SLCO3A1: variants seen among roughly 807,000 people sequenced by gnomAD.
SLCO3A1 encodes the protein solute carrier organic anion transporter family member 3A1, also known as PGE1 transporter.
SLCO3A1 carries 27 observed loss-of-function variants against 63.1 expected under a neutral mutation model. That is an observed-to-expected ratio of 0.43 (90% CI 0.32 to 0.59). The LOEUF (loss-of-function observed/expected upper bound fraction) is 0.59. SLCO3A1 is among the 20% of genes least tolerant of loss of function. SLCO3A1 has a pLI of 0.09. For synonymous variants in SLCO3A1, 473 were observed against 409.9 expected, an observed-to-expected ratio of 1.15 and a Z score of -1.86; for missense variants, 773 against 945.8, an observed-to-expected ratio of 0.82 and a Z score of 2.40.
chr15:91,953,359 G>A (rs1477195665), intron 2 of SLCO3A1, among the ~76,000 whole-genome samples: 1 of 152,200 alleles, frequency 6.6e-6, no homozygotes, highest in African/African-American at 2.4e-5. Context: ...AGGAGCTTGT[G>A]TTCTCCCAGG....
chr15:91,868,794 G>A (rs185492788), intron 1 of SLCO3A1, among the ~76,000 whole-genome samples: 5 of 152,232 alleles, frequency 3.3e-5, no homozygotes, highest in Admixed American at 1.3e-4. Context: ...TGCTACTGTC[G>A]TGATTTTTAA....
At chr15:92,006,688 C>A (rs1470122281) in intron 2 of SLCO3A1, among the ~76,000 whole-genome samples, 2 of 152,232 alleles carry the variant, frequency 1.3e-5, no homozygotes, top group African/African-American at 4.8e-5. Flanking sequence ...TTGTTAAAGA[C>A]TCAACTCTTT....
chr15:92,046,620 G>C (rs1232422947), intron 2 of SLCO3A1, among the ~76,000 whole-genome samples: 1 of 152,034 alleles, frequency 6.6e-6, no homozygotes. Flanking sequence ...TGCAGTACAG[G>C]CTGCCTTGTC....
chr15:92,156,054 T>G (rs1222917187), intron 9 of SLCO3A1, among the ~76,000 whole-genome samples: 1 of 152,190 alleles, frequency 6.6e-6, no homozygotes, highest in African/African-American at 2.4e-5. Context: ...ATTTGTGAAC[T>G]ACTCTGGAAA....
rs1348611340 is a variant in SLCO3A1 at position 92,162,913 on chromosome 15, CT to C, written c.1913del (p.Phe638SerfsTer11). On this transcript the variant is annotated frameshift_variant, in exon 10 of 10. Coordinates refer to ENST00000318445, the MANE Select transcript of SLCO3A1 (RefSeq NM_013272.4). LOFTEE classifies it high-confidence loss of function. ...TCGCCATCGCGCTCAAATCCTTCGC[CT>C]TCATCCTGTACACCACCACGTGGCA... ...SIAIALKSFA[F>X]ILYTTTWQCL... 6.2e-7 allele frequency: 1 copy of C among 1,614,228 alleles called. No homozygotes were observed.
intron 4 of SLCO3A1, among the ~76,000 whole-genome samples, chr15:92,118,254 A>G (rs920525325): frequency 3.3e-5 from 5 of 152,214 alleles, no homozygotes; most frequent in African/African-American, 2.4e-5. Flanking sequence ...GGAATTTTAC[A>G]AGGAACCACC....
At chr15:92,148,760 A>ACAAATTTTTATTACAACGTTAACTAT (rs1265468280) in intron 8 of SLCO3A1, 6 of 152,230 alleles carry the variant, frequency 3.9e-5, no homozygotes, top group African/African-American at 1.4e-4. Flanking sequence ...CTCAATGCAG[A>ACAAATTTTTATTACAACGTTAACTAT]CAAATTTTTA....
chr15:91,947,219 A>C (rs538254697), intron 2 of SLCO3A1, among the ~76,000 whole-genome samples: 24 of 152,264 alleles, frequency 1.6e-4, no homozygotes, highest in African/African-American at 5.5e-4. Context: ...TGCACCTCTA[A>C]TCATACGACC....
chr15:91,889,392 C>T (rs973854394), intron 1 of SLCO3A1, among the ~76,000 whole-genome samples: 1 of 152,226 alleles, frequency 6.6e-6, no homozygotes, highest in East Asian at 1.9e-4. Flanking sequence ...AGAGCTCACA[C>T]TGCCTCTTCT....
Position 91,889,070 on chromosome 15 carries a change from A to G in SLCO3A1, c.181-26923A>G, listed in dbSNP as rs1448125841. 3 of 861,084 alleles carry G rather than the reference A, an allele frequency of 3.5e-6. No homozygotes were observed. In the South Asian group the frequency reaches 6.1e-5, roughly 18 times the overall value. The allele number at this position is 861,084 out of a possible 1,614,324, so 53.3% of individuals were successfully genotyped here. A position where few individuals can be genotyped will look rare whatever the true frequency, so the allele number is the denominator to read the frequency against. ...ACCTACAATTATTACTAGCTAACAT[A>G]TAGCTAACATTTGTGTACTTGTTAT... On this transcript the variant is annotated intron_variant, in intron 1 of 9. Coordinates refer to ENST00000318445, the MANE Select transcript of SLCO3A1 (RefSeq NM_013272.4).
At chr15:92,076,419 G>C (rs1596078662) in intron 2 of SLCO3A1, among the ~76,000 whole-genome samples, 1 of 152,182 alleles carries the variant, frequency 6.6e-6, no homozygotes, top group Non-Finnish European at 1.5e-5. Flanking sequence ...CCGGATGCAG[G>C]ACGTAGTTTT....
intron 9 of SLCO3A1, among the ~76,000 whole-genome samples, chr15:92,155,549 GTGAA>G (rs1161441546): frequency 6.6e-6 from 1 of 152,124 alleles, no homozygotes; most frequent in African/African-American, 2.4e-5. Flanking sequence ...AGATGGGAGA[GTGAA>G]TGTACATTCA....
chr15:91,958,709 A>G lies in SLCO3A1; in HGVS notation c.646+42251A>G, dbSNP rs561809147. 3.9e-5 allele frequency among the ~76,000 whole-genome samples: 6 copies of G among 152,334 alleles called. No individual in the cohort carries two copies. The East Asian group carries it at 1.2e-3, about 29-fold the overall frequency. On this transcript the variant is annotated intron_variant, in intron 2 of 9. Transcript: ENST00000318445. ...TTTGCCCCAGTGAAATTAAAACCAC[A>G]ATGATATAGATACCACCTTACTTCT... is the stretch of plus-strand genomic sequence containing the variant.
At chr15:92,126,412 A>G (rs1033426823) in intron 6 of SLCO3A1, among the ~76,000 whole-genome samples, 153 bp downstream of exon 6, 1 of 152,190 alleles carries the variant, frequency 6.6e-6, no homozygotes, top group Non-Finnish European at 1.5e-5. Context: ...TTGGAGAATC[A>G]GTAGAACCCT....
rs190569937 is a variant in SLCO3A1 at position 91,862,913 on chromosome 15, A to G, written c.180+8825A>G. On this transcript the variant is annotated intron_variant, in intron 1 of 9. Coordinates refer to ENST00000318445, the MANE Select transcript of SLCO3A1 (RefSeq NM_013272.4). This position sits in a 1 kb window ranked among gnomAD's most constrained non-coding sequence, Gnocchi z 4.0. ...CCCCTTTGCAAGAGGCTTATGTAAAATAGGCAGGCTGTTTCTAATTGTTGA... is the reference window on the plus strand; with the variant it reads ...CCCCTTTGCAAGAGGCTTATGTAAAGTAGGCAGGCTGTTTCTAATTGTTGA... Among the ~76,000 whole-genome samples the G allele has an allele frequency of 6.6e-6, 1 of 152,364 alleles. No homozygotes were observed. Among genetic ancestry groups the G allele is most frequent in the Admixed American group, 6.5e-5 (1 of 15,302 alleles).
intron 2 of SLCO3A1, among the ~76,000 whole-genome samples, chr15:92,014,428 C>T (rs1011157209): frequency 2.0e-5 from 3 of 152,048 alleles, no homozygotes; most frequent in South Asian, 2.1e-4. Context: ...CTTCTAGGCC[C>T]GTATTTTCAA....
At chr15:91,889,081 T>C in intron 1 of SLCO3A1, 1 of 1,014,788 alleles carries the variant, frequency 9.9e-7, no homozygotes, top group African/African-American at 1.7e-5. Context: ...TAGCTAACAT[T>C]TGTGTACTTG....
intron 9 of SLCO3A1, among the ~76,000 whole-genome samples, chr15:92,151,659 G>A (rs1019568736): frequency 2.6e-5 from 4 of 152,202 alleles, no homozygotes; most frequent in Admixed American, 2.6e-4. Context: ...TCCCAGCTAT[G>A]CCTACCTTTC....
chr15:92,068,938 C>T (rs936093468), intron 2 of SLCO3A1, among the ~76,000 whole-genome samples: 27 of 152,298 alleles, frequency 1.8e-4, no homozygotes, highest in African/African-American at 4.6e-4. Context: ...CTCCTTCACA[C>T]GGTGATGATT....
Sources: gnomAD v4.1 joint callset for allele counts (sites outside exome capture counted in the v4.1 genomes callset) on GRCh38, gnomAD v4.1.1 for gene constraint, Gnocchi (gnomAD v3.1) non-coding constraint, MANE v1.5 for transcripts, NCBI Gene and HGNC (gene_info 2026-07-23, HGNC 2026-07-21) for gene names.